Variants in PSMA8 observed in about 807,000 individuals in gnomAD.
PSMA8 encodes the protein proteasome subunit alpha-type 8.
Under a neutral mutation model 32.4 loss-of-function variants are expected in PSMA8, and 18 were observed. The observed-to-expected ratio is 0.56, with a 90% CI of 0.38 to 0.82. PSMA8 has a LOEUF of 0.82. Ranked by LOEUF, PSMA8 falls within the 40% of genes least tolerant of loss-of-function variation. The probability of loss-of-function intolerance (pLI) is 0.00; values close to 1 mark genes in which losing one functional copy is unlikely to be tolerated. For synonymous variants in PSMA8, 104 were observed against 98.1 expected (o/e 1.06, Z -0.36); for missense variants, 298 against 300.7 (o/e 0.99, Z 0.07).
Position 26,147,834 on chromosome 18 carries a change from A to C in PSMA8, c.229+3149A>C, listed in dbSNP as rs557430443. Among the ~76,000 whole-genome samples the C allele has an allele frequency of 2.0e-5, 3 of 152,288 alleles. No individual in the cohort carries two copies. In the East Asian group the frequency reaches 5.8e-4, roughly 29 times the overall value. ...TTTAGCTAGATTGACTAAGAAAAAA[A>C]GAGAGAAGACTCAAGTAAAATGAGA... On this transcript the variant is annotated intron_variant, in intron 2 of 6. Transcript: ENST00000415576.
intron 4 of PSMA8, among the ~76,000 whole-genome samples, chr18:26,172,443 C>T (rs2055230010): frequency 6.6e-6 from 1 of 152,078 alleles, no homozygotes; most frequent in Admixed American, 6.6e-5. Flanking sequence ...TCTTTGTTTA[C>T]AAAAACAGGG....
chr18:26,164,522 C>A (rs370415495), intron 4 of PSMA8, among the ~76,000 whole-genome samples: 11 of 152,110 alleles, frequency 7.2e-5, no homozygotes, highest in East Asian at 3.8e-4. Context: ...ATAACATGAC[C>A]TTAGTAGTAT....
At chr18:26,170,447 G>C (rs1365009313) in intron 4 of PSMA8, among the ~76,000 whole-genome samples, 2 of 130,944 alleles carry the variant, frequency 1.5e-5, no homozygotes, top group Non-Finnish European at 3.0e-5. Context: ...GCCCGACAAT[G>C]TCAAGGACTG....
intron 2 of PSMA8, among the ~76,000 whole-genome samples, chr18:26,149,602 T>G (rs1429492543): frequency 6.6e-6 from 1 of 152,164 alleles, no homozygotes; most frequent in East Asian, 1.9e-4. Flanking sequence ...TGGAATTGAA[T>G]AGAGAACATA....
At chr18:26,175,473 C>G (rs2055256572) in intron 4 of PSMA8, among the ~76,000 whole-genome samples, 1 of 152,134 alleles carries the variant, frequency 6.6e-6, no homozygotes, top group African/African-American at 2.4e-5. Context: ...GGTGAAGGGA[C>G]TGCACATTGA....
intron 4 of PSMA8, among the ~76,000 whole-genome samples, chr18:26,164,757 A>G (rs1309991964): frequency 6.6e-6 from 1 of 152,220 alleles, no homozygotes; most frequent in Non-Finnish European, 1.5e-5. Context: ...TTTTGAGGAC[A>G]ACCAGAGACA....
intron 2 of PSMA8, among the ~76,000 whole-genome samples, chr18:26,146,940 T>C (rs1484946807): frequency 6.6e-6 from 1 of 151,980 alleles, no homozygotes; most frequent in African/African-American, 2.4e-5. Context: ...CTTTCAATCA[T>C]GGTAGAAGGC....
intron 1 of PSMA8, among the ~76,000 whole-genome samples, chr18:26,141,559 T>C (rs1205866060): frequency 1.3e-5 from 2 of 152,176 alleles, no homozygotes; most frequent in Non-Finnish European, 2.9e-5. Flanking sequence ...GTTTAACATT[T>C]GTTCATTTGA....
chr18:26,145,214 G>A (rs1408843355), intron 2 of PSMA8, among the ~76,000 whole-genome samples: 3 of 152,132 alleles, frequency 2.0e-5, no homozygotes, highest in African/African-American at 4.8e-5. Flanking sequence ...CACCTCCCGG[G>A]TTCAAGCAAT....
intron 4 of PSMA8, among the ~76,000 whole-genome samples, chr18:26,163,213 G>A (rs1409999778): frequency 4.9e-5 from 4 of 80,908 alleles, no homozygotes; most frequent in Non-Finnish European, 9.3e-5. Context: ...ATGTGTGTGT[G>A]TATATATATA....
At chr18:26,141,713 C>CTTTTTTTTTTTTTTTTTTTTTTTTTTTTT (rs1011733993) in intron 1 of PSMA8, among the ~76,000 whole-genome samples, 2 of 109,994 alleles carry the variant, frequency 1.8e-5, no homozygotes, top group African/African-American at 7.5e-5. Flanking sequence ...TTTCTTTTTT[C>CTTTTTTTTTTTTTTTTTTTTTTTTTTTTT]TTTTTTTTTT....
chr18:26,176,473 T>G (rs550205858), intron 4 of PSMA8, among the ~76,000 whole-genome samples: 1 of 152,348 alleles, frequency 6.6e-6, no homozygotes, highest in South Asian at 2.1e-4. Flanking sequence ...TTTCAACAGC[T>G]ACTTATATTA....
At chr18:26,142,455 T>C (rs2054966550) in intron 1 of PSMA8, among the ~76,000 whole-genome samples, 1 of 152,140 alleles carries the variant, frequency 6.6e-6, no homozygotes, top group Non-Finnish European at 1.5e-5. Flanking sequence ...TAAACTTTCC[T>C]CTAAAAAAGA....
chr18:26,151,811 A>G (rs2055047649), intron 2 of PSMA8, 47 bp from the exon 3 acceptor site: 1 of 1,552,734 alleles, frequency 6.4e-7, no homozygotes, highest in Non-Finnish European at 8.7e-7. Flanking sequence ...ATGTATTGTA[A>G]AAAATATGTT....
chr18:26,166,005 G>A (rs2055176109), intron 4 of PSMA8, among the ~76,000 whole-genome samples: 1 of 152,148 alleles, frequency 6.6e-6, no homozygotes, highest in Non-Finnish European at 1.5e-5. Context: ...GGGAGGCTGA[G>A]GCAGGAGAAT....
intron 4 of PSMA8, among the ~76,000 whole-genome samples, chr18:26,174,688 A>G (rs2055250573): frequency 6.6e-6 from 1 of 152,228 alleles, no homozygotes; most frequent in Admixed American, 6.5e-5. Context: ...TCAAAATGGT[A>G]AGAATGTTAA....
chr18:26,159,459 C>T (rs1307328986), intron 4 of PSMA8, among the ~76,000 whole-genome samples: 1 of 152,056 alleles, frequency 6.6e-6, no homozygotes, highest in Non-Finnish European at 1.5e-5. Context: ...CTAGAGATCT[C>T]TTACCTGTAC....
Position 26,158,250 on chromosome 18 carries a change from T to C in PSMA8, c.477+6T>C, listed in dbSNP as rs375628116. On this transcript the variant is annotated splice_donor_region_variant and intron_variant, in intron 4 of 6. Coordinates refer to ENST00000415576, the MANE Select transcript of PSMA8 (RefSeq NM_001025096.2). Reference sequence around the variant, plus strand: ...GTACTTATCATGCTTGGAAGGTGAGTCATGAATTTATTAATACTTTTTTAG... The same window carrying C: ...GTACTTATCATGCTTGGAAGGTGAGCCATGAATTTATTAATACTTTTTTAG... 6 of 1,585,688 alleles carry C rather than the reference T, an allele frequency of 3.8e-6. No individual in the cohort carries two copies. Among genetic ancestry groups the C allele is most frequent in the Non-Finnish European group, 4.3e-6 (5 of 1,168,458 alleles).
chr18:26,161,503 T>A (rs1180331313), intron 4 of PSMA8, among the ~76,000 whole-genome samples: 2 of 152,204 alleles, frequency 1.3e-5, no homozygotes, highest in Admixed American at 1.3e-4. Flanking sequence ...CTCATGAACA[T>A]AAGCCAATTC....
Sources: allele counts gnomAD v4.1 joint callset (sites outside exome capture counted in the v4.1 genomes callset), GRCh38; gene constraint gnomAD v4.1.1; transcripts MANE v1.5; gene names NCBI Gene and HGNC (gene_info 2026-07-23, HGNC 2026-07-21).